NDST2: variants seen among roughly 807,000 people sequenced by gnomAD.
NDST2 encodes the protein bifunctional heparan sulfate N-deacetylase/N-sulfotransferase 2.
A neutral mutation model predicts 86.9 loss-of-function variants in NDST2; 32 were observed. That is an observed-to-expected ratio of 0.37 (90% CI 0.28 to 0.49). NDST2 has a LOEUF of 0.49. Among genes scored for constraint, NDST2 ranks in the 20% least tolerant of loss-of-function variants. The pLI is 0.97. For synonymous variants in NDST2, 409 were observed against 437.0 expected (o/e 0.94, Z 0.80); for missense variants, 950 against 1,146.9 (o/e 0.83, Z 2.48).
chr10:73,806,488 A>C lies in NDST2; in HGVS notation c.1249-14T>G. ...AATCCCATGCTCCTGGGAATGGCAT[A>C]GACTCTCACCAGGACCTGGTGAGGT... On this transcript the variant is annotated splice_polypyrimidine_tract_variant and intron_variant, in intron 5 of 14. Transcript: ENST00000309979. This position sits in a 1 kb window ranked among gnomAD's most constrained non-coding sequence, Gnocchi z 4.5. 1 of 1,575,598 alleles carries C rather than the reference A, an allele frequency of 6.3e-7. No individual in the cohort carries two copies. Among genetic ancestry groups the C allele is most frequent in the Non-Finnish European group, 8.6e-7 (1 of 1,158,592 alleles).
At position 73,804,096 on chromosome 10, in the gene NDST2, G is replaced by A. The variant is rs749852414; in HGVS notation, c.1844-80C>T. ...TCAACAGCATAAGCTTGAAGGAAGT[G>A]AAAAAATAACCACTCTGGGTAGGAA... On this transcript the variant is annotated intron_variant, in intron 9 of 14. Transcript: ENST00000309979. The A allele has an allele frequency of 4.8e-6, 7 of 1,466,338 alleles. No individual in the cohort carries two copies. The Admixed American group carries it at 6.2e-5, about 13-fold the overall frequency. 90.8% of individuals were successfully genotyped at this position (1,466,338 alleles called of 1,614,324 possible).
At position 73,808,291 on chromosome 10, in the gene NDST2, A is replaced by C; in HGVS notation, c.98T>G (p.Phe33Cys). ...GCTGGTGGACACATAATAAGCCAGG[A>C]AGCCCATGGAGCCCAGGCTGAAAGC... is the stretch of plus-strand genomic sequence containing the variant. ...LIAFSLGSMG[F>C]LAYYVSTSPK... Residue 33 changes from phenylalanine (F) to cysteine (C), a missense_variant, in exon 3 of 15, where the codon TTC becomes TGC. By Grantham distance (205) the Phe-to-Cys change is radical. Coordinates refer to ENST00000309979, the MANE Select transcript of NDST2 (RefSeq NM_003635.4). This position sits in a 1 kb window ranked among gnomAD's most constrained non-coding sequence, Gnocchi z 4.3. 6.3e-7 allele frequency: 1 copy of C among 1,597,278 alleles called. No individual in the cohort carries two copies. Among genetic ancestry groups the C allele is most frequent in the Non-Finnish European group, 8.5e-7 (1 of 1,172,076 alleles).
Position 73,808,023 on chromosome 10 carries a change from C to A in NDST2, c.366G>T (p.Gly122=), listed in dbSNP as rs138284791. 1.9e-5 allele frequency: 30 copies of A among 1,614,224 alleles called. No homozygotes were observed. The African/African-American group carries it at 3.5e-4, about 19-fold the overall frequency. ...RYSTELAPGR[G]DMPTLTDNTH... ...TATTATCAGTCAATGTGGGCATGTCCCCTCGGCCAGGTGCCAACTCAGTGC... is the reference window on the plus strand; with the variant it reads ...TATTATCAGTCAATGTGGGCATGTCACCTCGGCCAGGTGCCAACTCAGTGC... The change falls in exon 3 of 15, where the codon GGG becomes GGT. Residue 122 remains glycine, a synonymous_variant. Transcript: ENST00000309979. This position sits in a 1 kb window ranked among gnomAD's most constrained non-coding sequence, Gnocchi z 4.3.
chr10:73,802,979 T>G lies in NDST2; in HGVS notation c.2416A>C (p.Thr806Pro). The G allele has an allele frequency of 6.2e-7, 1 of 1,614,076 alleles. No homozygotes were observed. Among genetic ancestry groups the G allele is most frequent in the African/African-American group, 1.3e-5 (1 of 75,028 alleles). The change falls in exon 13 of 15, where the codon ACC (threonine) becomes CCC (proline). Residue 806 changes from threonine (T) to proline (P), a missense_variant. Thr to Pro is a conservative substitution (Grantham distance 38). Around this residue, in one of 5 missense-constraint regions of NDST2, gnomAD observed 303 missense variants for 323.7 expected, o/e 0.94. Coordinates refer to ENST00000309979, the MANE Select transcript of NDST2 (RefSeq NM_003635.4). ...TGGGTCATGCTCTCCCACCTGAGGGTCCGTGTGTAGTTCAGAAAGGGTGTG... is the reference window on the plus strand; with the variant it reads ...TGGGTCATGCTCTCCCACCTGAGGGGCCGTGTGTAGTTCAGAAAGGGTGTG... ...GITPFLNYTR[T>P]LRFDDDKGFW...
At position 73,806,372 on chromosome 10, in the gene NDST2, C is replaced by T; in HGVS notation, c.1351G>A (p.Gly451Ser). 6.2e-7 allele frequency: 1 copy of T among 1,614,152 alleles called. No individual in the cohort carries two copies. Among genetic ancestry groups the T allele is most frequent in the East Asian group, 2.2e-5 (1 of 44,880 alleles). Residue 451 changes from glycine to serine, a missense_variant, in exon 6 of 15, where the codon GGC (glycine) becomes AGC (serine). Gly to Ser is a moderately conservative substitution (Grantham distance 56, BLOSUM62 0). Coordinates refer to ENST00000309979, the MANE Select transcript of NDST2 (RefSeq NM_003635.4). The surrounding 1 kb of genome is among the most constrained non-coding windows in gnomAD (Gnocchi z 4.5). ...TCCTCAGTGCTGGTCACCTGGATGC[C>T]CCACACGGATTTCCAGGCCTCATAG... is the stretch of plus-strand genomic sequence containing the variant. ...QLYEAWKSVWGIQVTSTEEYP... is the reference protein window; with the variant it reads ...QLYEAWKSVWSIQVTSTEEYP...
chr10:73,806,647 AG>A lies in NDST2; in HGVS notation c.1248+9del. The A allele has an allele frequency of 6.2e-7, 1 of 1,610,048 alleles. No homozygotes were observed. Among genetic ancestry groups the A allele is most frequent in the Non-Finnish European group, 8.5e-7 (1 of 1,176,510 alleles). ...GGAGAAATTATGGGGAAGAGATCCA[AG>A]GGTCTCACCAGAGCAAACTGTTTGT... On this transcript the variant is annotated intron_variant, in intron 5 of 14. Coordinates refer to ENST00000309979, the MANE Select transcript of NDST2 (RefSeq NM_003635.4). This position sits in a 1 kb window ranked among gnomAD's most constrained non-coding sequence, Gnocchi z 4.5.
In NDST2 at chr10:73,808,074, G is replaced by A. The variant is rs1341994329; in HGVS notation, c.315C>T (p.Ile105=). 1.9e-6 allele frequency: 3 copies of A among 1,614,240 alleles called. No individual in the cohort carries two copies. The highest frequency in any genetic ancestry group is 3.3e-5 in the Admixed American group (2 of 60,034). The change falls in exon 3 of 15, where the codon ATC becomes ATT. Residue 105 remains isoleucine, a synonymous_variant. Coordinates refer to ENST00000309979, the MANE Select transcript of NDST2 (RefSeq NM_003635.4). The surrounding 1 kb of genome is among the most constrained non-coding windows in gnomAD (Gnocchi z 4.3). ...TATAACGAAAACGACTAGACTCCAG[G>A]ATGGCCACAATTTCCTGCCCCAGCT... ...YSQLGQEIVA[I]LESSRFRYST...
At chr10:73,803,403 A>C (rs2084038802) in intron 11 of NDST2, 44 bp from the exon 12 acceptor site, 2 of 1,609,598 alleles carry the variant, frequency 1.2e-6, no homozygotes, top group African/African-American at 2.7e-5. Context: ...GTGATTTGAC[A>C]GTATTCTGCC....
At chr10:73,805,233 C>T (rs1427738155) in intron 8 of NDST2, among the ~76,000 whole-genome samples, 1 of 151,800 alleles carries the variant, frequency 6.6e-6, no homozygotes, top group Non-Finnish European at 1.5e-5. Flanking sequence ...CCCACCCCGG[C>T]TGGGCGCAGT....
chr10:73,805,384 G>A (rs558635432), intron 8 of NDST2, among the ~76,000 whole-genome samples: 39 of 151,918 alleles, frequency 2.6e-4, no homozygotes, highest in Non-Finnish European at 5.3e-4. Flanking sequence ...CGTGGTGGCG[G>A]GTGCGTGTAA....
intron 2 of NDST2, among the ~76,000 whole-genome samples, chr10:73,810,113 T>G (rs755771906): frequency 5.9e-5 from 9 of 152,036 alleles, no homozygotes; most frequent in Non-Finnish European, 1.2e-4. Flanking sequence ...AACACACATC[T>G]CAGGGGTGAT....
In NDST2 at chr10:73,808,197, G is replaced by C; in HGVS notation, c.192C>G (p.Gly64=). The change falls in exon 3 of 15, where the codon GGC becomes GGG. Residue 64 remains glycine, a synonymous_variant. Coordinates refer to ENST00000309979, the MANE Select transcript of NDST2 (RefSeq NM_003635.4). This position sits in a 1 kb window ranked among gnomAD's most constrained non-coding sequence, Gnocchi z 4.3. ...DCSSGGAAGP[G]PARPPVPPRP... The stretch of plus-strand genomic sequence containing the variant: ...GAGGTGGAACTGGAGGCCGTGCAGG[G>C]CCAGGACCAGCTGCCCCACCGCTGC... 6.2e-7 allele frequency: 1 copy of C among 1,613,752 alleles called. No homozygotes were observed. The highest frequency in any genetic ancestry group is 8.5e-7 in the Non-Finnish European group (1 of 1,179,822).
At chr10:73,802,929 C>G (rs373904047) in intron 13 of NDST2, 43 bp downstream of exon 13, 126 of 1,586,352 alleles carry the variant, frequency 7.9e-5, no homozygotes, top group Non-Finnish European at 1.0e-4. Flanking sequence ...CCTGCTTCCC[C>G]ATTTCCCATA....
At chr10:73,809,369 C>G (rs1002436215) in intron 2 of NDST2, among the ~76,000 whole-genome samples, 2 of 152,186 alleles carry the variant, frequency 1.3e-5, no homozygotes, top group Non-Finnish European at 2.9e-5. Context: ...CTCCCTTACC[C>G]GTTGCTTGTG....
rs777143091 is a variant in NDST2, at chr10:73,807,188, A to G, written c.1013T>C (p.Leu338Ser). Residue 338 changes from leucine to serine, a missense_variant, in exon 4 of 15, where the codon TTG becomes TCG. Physicochemically the swap from Leu to Ser is moderately radical, Grantham distance 145. This residue lies in a region of NDST2 where 586 missense variants were observed against 714.0 expected (regional missense o/e 0.82). Transcript: ENST00000309979. ...GGTCCTGAGTTTGTTCTGGGTGGTC[A>G]ACAGAGCCTGGGAAGAGTAGCAGGG... ...RMKVADVEAL[L>S]TTQNKLRTLV... The G allele has an allele frequency of 6.2e-7, 1 of 1,614,060 alleles. No homozygotes were observed. The highest frequency in any genetic ancestry group is 1.7e-5 in the Admixed American group (1 of 60,018).
Position 73,802,288 on chromosome 10 carries a change from C to T in NDST2, c.*163G>A. 1 of 709,934 alleles carries T rather than the reference C, an allele frequency of 1.4e-6. No homozygotes were observed. Among genetic ancestry groups the T allele is most frequent in the Non-Finnish European group, 2.3e-6 (1 of 434,260 alleles). 44.0% of individuals were successfully genotyped at this position (709,934 alleles called of 1,614,324 possible). ...GGAAGCCCCTTTATTTGTCCCAGAA[C>T]TGTGGGAAAAGGATACCCTTCCCTT... On this transcript the variant is annotated 3_prime_UTR_variant, in exon 15 of 15. Transcript: ENST00000309979.
chr10:73,811,748 CGCGGCCTCCGAGACG>C (rs1303790699), upstream of NDST2: 1 of 152,172 alleles, frequency 6.6e-6, no homozygotes, highest in Admixed American at 6.5e-5. Flanking sequence ...CGGGCCGAGC[CGCGGCCTCCGAGACG>C]GCGGGCTCCG....
At chr10:73,811,297 G>A (rs1218280402) in intron 1 of NDST2, among the ~76,000 whole-genome samples, 177 bp downstream of exon 1, 1 of 152,134 alleles carries the variant, frequency 6.6e-6, no homozygotes. Context: ...AGCCCGCCCG[G>A]TCCGGAGGGG....
intron 8 of NDST2, 65 bp from the exon 9 acceptor site, chr10:73,804,934 TC>T: frequency 3.1e-6 from 3 of 968,328 alleles, no homozygotes; most frequent in Non-Finnish European, 4.8e-6. Flanking sequence ...GGAGTTTCGT[TC>T]TTGTTGCCCA....
Sources: allele counts gnomAD v4.1 joint callset (sites outside exome capture counted in the v4.1 genomes callset), GRCh38; gene constraint gnomAD v4.1.1; regional missense constraint gnomAD v4.1.1; non-coding constraint Gnocchi (gnomAD v3.1); transcripts MANE v1.5; gene names NCBI Gene and HGNC (gene_info 2026-07-23, HGNC 2026-07-21).